The following UTP20 variants were observed in gnomAD, a reference collection of about 807,000 sequenced individuals.
The protein encoded by UTP20 is UTP20 small subunit processome component, also known as small subunit processome component 20 homolog.
Under a neutral mutation model 329.5 loss-of-function variants are expected in UTP20, and 164 were observed. The ratio of observed to expected loss-of-function variants is 0.50; its 90% CI spans 0.44 to 0.57. The LOEUF is 0.57. Ranked by LOEUF, UTP20 falls within the 20% of genes least tolerant of loss-of-function variation. The pLI, the probability that UTP20 is intolerant of heterozygous loss-of-function variation, is 0.00. For missense variants in UTP20, 3,055 were observed against 3,284.2 expected, an observed-to-expected ratio of 0.93 and a Z score of 1.71; for synonymous variants, 1,151 against 1,159.3, an observed-to-expected ratio of 0.99 and a Z score of 0.14.
intron 22 of UTP20, among the ~76,000 whole-genome samples, chr12:101,318,145 C>T (rs1485565401): frequency 6.6e-6 from 1 of 152,104 alleles, no homozygotes; most frequent in East Asian, 1.9e-4. Context: ...CTACTGGTTA[C>T]TTTTTTCTCA....
At chr12:101,314,977 C>T (rs1482610691) in intron 21 of UTP20, among the ~76,000 whole-genome samples, 3 of 151,894 alleles carry the variant, frequency 2.0e-5, no homozygotes, top group Non-Finnish European at 2.9e-5. Flanking sequence ...CTGTAAGTCC[C>T]AGCTATTTGG....
chr12:101,306,632 G>T, intron 16 of UTP20, 67 bp from the exon 17 acceptor site: 1 of 1,408,512 alleles, frequency 7.1e-7, no homozygotes, highest in South Asian at 1.3e-5. Context: ...AAATCTTGCT[G>T]ACTGTGAATC....
At chr12:101,284,685 CAA>C (rs1329900687) in intron 2 of UTP20, among the ~76,000 whole-genome samples, 4 of 152,016 alleles carry the variant, frequency 2.6e-5, no homozygotes, top group African/African-American at 9.7e-5. Flanking sequence ...CTTTACCTTT[CAA>C]AGTACAAAGT....
At chr12:101,368,086 G>T in intron 48 of UTP20, 110 bp downstream of exon 48, 2 of 785,022 alleles carry the variant, frequency 2.5e-6, no homozygotes, top group East Asian at 2.6e-5. Flanking sequence ...AGATGATTGA[G>T]GTGTTTTTGT....
chr12:101,378,691 C>G (rs576763082), intron 56 of UTP20, among the ~76,000 whole-genome samples: 1 of 151,786 alleles, frequency 6.6e-6, no homozygotes, highest in Non-Finnish European at 1.5e-5. Flanking sequence ...TGCACTCCAG[C>G]CTGGGCAATG....
At chr12:101,302,951 T>C (rs1872559776) in intron 15 of UTP20, among the ~76,000 whole-genome samples, 1 of 152,264 alleles carries the variant, frequency 6.6e-6, no homozygotes, top group Non-Finnish European at 1.5e-5. Flanking sequence ...TGTGGTCTTT[T>C]TACTACACAC....
At chr12:101,300,766 T>C (rs1872499866) in intron 14 of UTP20, among the ~76,000 whole-genome samples, 1 of 152,226 alleles carries the variant, frequency 6.6e-6, no homozygotes, top group African/African-American at 2.4e-5. Flanking sequence ...TGTGCTACAT[T>C]CTGTGTTAGA....
chr12:101,288,661 A>G (rs1565784376), intron 5 of UTP20, among the ~76,000 whole-genome samples: 1 of 152,210 alleles, frequency 6.6e-6, no homozygotes, highest in Non-Finnish European at 1.5e-5. Flanking sequence ...TACCAATAAT[A>G]TGGACTGCAG....
intron 38 of UTP20, among the ~76,000 whole-genome samples, chr12:101,349,563 C>G (rs554604175): frequency 6.6e-6 from 1 of 152,154 alleles, no homozygotes; most frequent in South Asian, 2.1e-4. Context: ...CTCAGCCTCT[C>G]TGGTAACTGG....
Position 101,356,971 on chromosome 12 carries a change from A to G in UTP20, c.5580A>G (p.Glu1860=), listed in dbSNP as rs1234254259. 1 of 1,613,954 alleles carries G rather than the reference A, an allele frequency of 6.2e-7. No homozygotes were observed. The highest frequency in any genetic ancestry group is 2.2e-5 in the East Asian group (1 of 44,882). ...VCALLKNRAQ[E]IRDIARSTLA... ...CCCTACTCAAGAACAGAGCCCAAGAAATCAGAGACATTGCACGCAGCACTC... is the reference window on the plus strand; with the variant it reads ...CCCTACTCAAGAACAGAGCCCAAGAGATCAGAGACATTGCACGCAGCACTC... The change falls in exon 43 of 62, where the codon GAA becomes GAG. Residue 1860 remains glutamate, a synonymous_variant. Transcript: ENST00000261637.
chr12:101,342,668 TC>T, intron 33 of UTP20, 79 bp downstream of exon 33: 1 of 1,537,084 alleles, frequency 6.5e-7, no homozygotes, highest in South Asian at 1.2e-5. Flanking sequence ...TTAGGGGCTT[TC>T]TTCATGCCAG....
Position 101,333,306 on chromosome 12 carries a change from G to T in UTP20, c.3423G>T (p.Gln1141His). 1 of 1,613,084 alleles carries T rather than the reference G, an allele frequency of 6.2e-7. No homozygotes were observed. Among genetic ancestry groups the T allele is most frequent in the South Asian group, 1.1e-5 (1 of 90,868 alleles). Reference sequence around the variant, plus strand: ...AGAAGATCTTTGTTTTACAGATACAGCTGAGATTTATTAATCCATTGAAAA... The same window carrying T: ...AGAAGATCTTTGTTTTACAGATACATCTGAGATTTATTAATCCATTGAAAA... ...SHILDQREKIQLRFINPLKNL... is the reference protein window; with the variant it reads ...SHILDQREKIHLRFINPLKNL... Residue 1141 changes from glutamine (Q) to histidine (H), a missense_variant, in exon 28 of 62, where the codon CAG becomes CAT. By Grantham distance (24) the Gln-to-His change is conservative. Around this residue, in one of 3 missense-constraint regions of UTP20, gnomAD observed 2,445 missense variants for 2,575.5 expected, o/e 0.95. Coordinates refer to ENST00000261637, the MANE Select transcript of UTP20 (RefSeq NM_014503.3).
intron 12 of UTP20, among the ~76,000 whole-genome samples, chr12:101,298,873 TG>T (rs1482596088): frequency 4.3e-4 from 65 of 151,746 alleles, no homozygotes; most frequent in African/African-American, 1.5e-3. Flanking sequence ...TCTTTGTTTT[TG>T]TTTTTTTTTT....
chr12:101,328,726 A>C lies in UTP20; in HGVS notation c.3209-515A>C, dbSNP rs541376819. Among the ~76,000 whole-genome samples, 259 of 152,128 alleles carry C rather than the reference A, an allele frequency of 1.7e-3. 1 individual carries two copies. Among genetic ancestry groups the C allele is most frequent in the African/African-American group, 6.0e-3 (250 of 41,518 alleles). ...TCTACTAAAAATACAAAAACCAGCC[A>C]GGTGTGGTGGTGGGCACCTATAATC... On this transcript the variant is annotated intron_variant, in intron 26 of 61. Transcript: ENST00000261637.
At chr12:101,364,099 T>G (rs1194267796) in intron 45 of UTP20, among the ~76,000 whole-genome samples, 2 of 152,186 alleles carry the variant, frequency 1.3e-5, no homozygotes, top group Non-Finnish European at 2.9e-5. Flanking sequence ...TGTCCATGTT[T>G]GAAATTTTAT....
At chr12:101,320,195 T>C (rs1289541351) in intron 23 of UTP20, among the ~76,000 whole-genome samples, 3 of 152,224 alleles carry the variant, frequency 2.0e-5, no homozygotes, top group South Asian at 2.1e-4. Context: ...ATTACCTTCA[T>C]AGGATAAGAG....
intron 55 of UTP20, among the ~76,000 whole-genome samples, 158 bp from the exon 56 acceptor site, chr12:101,375,466 G>A (rs142125235): frequency 0.016 from 2,394 of 152,202 alleles, 25 homozygotes; most frequent in Non-Finnish European, 0.026. Context: ...ATCCTACAGT[G>A]CACATGGCAG....
At position 101,321,715 on chromosome 12, in the gene UTP20, G is replaced by T. The variant is rs1868377566; in HGVS notation, c.3041+86G>T. 4 of 1,452,164 alleles carry T rather than the reference G, an allele frequency of 2.8e-6. No homozygotes were observed. In the South Asian group the frequency reaches 5.1e-5, roughly 19 times the overall value. 90.0% of individuals were successfully genotyped at this position (1,452,164 alleles called of 1,614,324 possible). A position where few individuals can be genotyped will look rare whatever the true frequency, so the allele number is the denominator to read the frequency against. ...CAGTATTATGGTTCTTTCAACAACT[G>T]TAATAGAATATTTCATTTTCTATTT... On this transcript the variant is annotated intron_variant, in intron 25 of 61. Coordinates refer to ENST00000261637, the MANE Select transcript of UTP20 (RefSeq NM_014503.3).
rs781008844 is a variant in UTP20, at chr12:101,383,577, C to T, written c.7964C>T (p.Ala2655Val). 2 of 1,613,466 alleles carry T rather than the reference C, an allele frequency of 1.2e-6. No individual in the cohort carries two copies. Among genetic ancestry groups the T allele is most frequent in the South Asian group, 2.2e-5 (2 of 90,974 alleles). Residue 2655 changes from alanine (A) to valine (V), a missense_variant, in exon 60 of 62, where the codon GCA becomes GTA. Transcript: ENST00000261637. ...TCIFKFLGAV[A>V]MDLGIDKVKP... ...ATCTTTAAGTTCCTCGGCGCCGTAG[C>T]AATGGATCTTGGGATAGACAAGGTA...
Sources: allele counts gnomAD v4.1 joint callset (sites outside exome capture counted in the v4.1 genomes callset), GRCh38; gene constraint gnomAD v4.1.1; regional missense constraint gnomAD v4.1.1; transcripts MANE v1.5; gene names NCBI Gene and HGNC (gene_info 2026-07-23, HGNC 2026-07-21).